Variants in MIB1 observed in about 807,000 individuals in gnomAD.
MIB1 encodes MIB E3 ubiquitin protein ligase 1, also known as E3 ubiquitin-protein ligase MIB1.
MIB1 carries 278 observed loss-of-function variants against 124.5 expected under a neutral mutation model. The ratio of observed to expected loss-of-function variants is 2.23; its 90% CI spans 2.02 to 2.47. The LOEUF (loss-of-function observed/expected upper bound fraction) is 2.47. MIB1 is among the 30% of genes most tolerant of loss of function. MIB1 has a pLI of 0.00. For missense variants in MIB1, 957 were observed against 1,254.4 expected, an observed-to-expected ratio of 0.76 and a Z score of 3.58; for synonymous variants, 446 against 429.4, an observed-to-expected ratio of 1.04 and a Z score of -0.48.
At chr18:21,782,019 CT>C (rs1820425967) in intron 6 of MIB1, among the ~76,000 whole-genome samples, 1 of 152,014 alleles carries the variant, frequency 6.6e-6, no homozygotes, top group Non-Finnish European at 1.5e-5. Flanking sequence ...TTCTGCTGAT[CT>C]TTATTACTTC....
At chr18:21,708,386 G>T (rs949966864) in intron 1 of MIB1, among the ~76,000 whole-genome samples, 28 of 152,186 alleles carry the variant, frequency 1.8e-4, no homozygotes, top group African/African-American at 6.8e-4. Context: ...GGGCATAGTG[G>T]CTCACGCCTG....
chr18:21,791,489 TG>T lies in MIB1; in HGVS notation c.1025del (p.Cys342PhefsTer25). On this transcript the variant is annotated frameshift_variant, in exon 7 of 21. Coordinates refer to ENST00000261537, the MANE Select transcript of MIB1 (RefSeq NM_020774.4). LOFTEE classifies it high-confidence loss of function. ...TCAAGTGGGTGATCTTGTACAAGTT[TG>T]TTATGACCTGGAACGAATTAAACTT... ...QFQVGDLVQV[C>X]YDLERIKLLQ... 6.2e-7 allele frequency: 1 copy of T among 1,614,086 alleles called. No individual in the cohort carries two copies. The highest frequency in any genetic ancestry group is 8.5e-7 in the Non-Finnish European group (1 of 1,179,954).
intron 6 of MIB1, among the ~76,000 whole-genome samples, chr18:21,781,307 G>A (rs957276463): frequency 7.2e-6 from 1 of 139,054 alleles, no homozygotes; most frequent in Non-Finnish European, 1.5e-5. Context: ...GCTTTTCTCT[G>A]ATGGGAGATA....
At chr18:21,755,769 T>C (rs2041025122) in intron 1 of MIB1, among the ~76,000 whole-genome samples, 1 of 152,222 alleles carries the variant, frequency 6.6e-6, no homozygotes, top group Non-Finnish European at 1.5e-5. Flanking sequence ...TATATATTTA[T>C]TACTTTTTTA....
intron 20 of MIB1, among the ~76,000 whole-genome samples, chr18:21,862,323 T>C (rs905717746): frequency 2.6e-5 from 4 of 152,238 alleles, no homozygotes; most frequent in Non-Finnish European, 5.9e-5. Context: ...CCTTTTACAA[T>C]GATCTCTGGT....
chr18:21,705,046 C>T (rs1039273479), exon 1 of MIB1: 1 of 168,684 alleles, frequency 5.9e-6, no homozygotes, highest in Non-Finnish European at 1.3e-5. Flanking sequence ...GGTTAAGGCC[C>T]CGCACCTGCA....
At chr18:21,805,391 A>G (rs768246966) in intron 10 of MIB1, among the ~76,000 whole-genome samples, 4 of 152,138 alleles carry the variant, frequency 2.6e-5, no homozygotes, top group African/African-American at 4.8e-5. Flanking sequence ...TATGAATGAG[A>G]TTATATAATT....
Position 21,741,469 on chromosome 18 carries a change from GCT to G in MIB1, c.-114_-113del. ...GTTATTCTCACGTCCCCCGGGGCTC[GCT>G]GCCGCCCCCGCCGACGCCTAGAGTC... On this transcript the variant is annotated 5_prime_UTR_variant, in exon 1 of 21. Coordinates refer to ENST00000261537, the MANE Select transcript of MIB1 (RefSeq NM_020774.4). This position sits in a 1 kb window ranked among gnomAD's most constrained non-coding sequence, Gnocchi z 5.4. The G allele has an allele frequency of 3.5e-6, 2 of 572,030 alleles. No homozygotes were observed. Among genetic ancestry groups the G allele is most frequent in the Non-Finnish European group, 5.0e-6 (2 of 403,286 alleles). 35.4% of individuals were successfully genotyped at this position (572,030 alleles called of 1,614,324 possible).
At chr18:21,806,779 A>G (rs896525272) in intron 10 of MIB1, among the ~76,000 whole-genome samples, 7 of 151,886 alleles carry the variant, frequency 4.6e-5, no homozygotes, top group African/African-American at 1.7e-4. Context: ...GCACGCCGCC[A>G]CACCTGTCTA....
chr18:21,805,105 T>A (rs985745101), intron 10 of MIB1, among the ~76,000 whole-genome samples: 1 of 152,082 alleles, frequency 6.6e-6, no homozygotes, highest in African/African-American at 2.4e-5. Context: ...CTCTGCCTCC[T>A]GGGATCAAGT....
chr18:21,788,356 A>G (rs1194522366), intron 6 of MIB1, among the ~76,000 whole-genome samples: 1 of 152,230 alleles, frequency 6.6e-6, no homozygotes, highest in Non-Finnish European at 1.5e-5. Context: ...TTGTATTCAA[A>G]TCTTACGAGC....
chr18:21,804,063 T>TA, intron 10 of MIB1, 49 bp downstream of exon 10: 2 of 1,277,748 alleles, frequency 1.6e-6, no homozygotes, highest in Non-Finnish European at 2.3e-6. Context: ...TTCCTAGAAA[T>TA]AATACTTCTA....
At chr18:21,847,403 C>T (rs932783081) in intron 16 of MIB1, among the ~76,000 whole-genome samples, 5 of 152,088 alleles carry the variant, frequency 3.3e-5, no homozygotes, top group African/African-American at 1.2e-4. Context: ...TTCTAGTACT[C>T]CCATGTGTTA....
intron 15 of MIB1, among the ~76,000 whole-genome samples, chr18:21,845,844 C>G (rs1004565215): frequency 1.3e-5 from 2 of 151,822 alleles, no homozygotes; most frequent in South Asian, 2.1e-4. Context: ...AGACTGGTCC[C>G]GAACTCCTGA....
chr18:21,816,711 G>A (rs2041832659), intron 11 of MIB1, among the ~76,000 whole-genome samples: 1 of 152,182 alleles, frequency 6.6e-6, no homozygotes, highest in Non-Finnish European at 1.5e-5. Context: ...AGATCTCAGA[G>A]AAGAAATAAA....
At chr18:21,815,011 T>TTATATACATATATATATATA (rs1402179214) in intron 10 of MIB1, among the ~76,000 whole-genome samples, 2 of 52,644 alleles carry the variant, frequency 3.8e-5, no homozygotes, top group African/African-American at 1.2e-4. Flanking sequence ...GCTGTTGGTT[T>TTATATACATATATATATATA]TATATATATA....
chr18:21,802,776 C>G (rs548037699), intron 9 of MIB1, among the ~76,000 whole-genome samples: 3 of 152,320 alleles, frequency 2.0e-5, no homozygotes, highest in African/African-American at 7.2e-5. Flanking sequence ...TGATTGATAG[C>G]TCTCCTCACT....
intron 1 of MIB1, among the ~76,000 whole-genome samples, chr18:21,764,634 A>G (rs1319116488): frequency 6.6e-6 from 1 of 152,200 alleles, no homozygotes; most frequent in Non-Finnish European, 1.5e-5. Flanking sequence ...TAATGTAATG[A>G]ACTCCCATGT....
chr18:21,783,335 C>T (rs893936105), intron 6 of MIB1, among the ~76,000 whole-genome samples: 8 of 151,832 alleles, frequency 5.3e-5, no homozygotes, highest in Non-Finnish European at 7.4e-5. Flanking sequence ...CTCCGCCTCC[C>T]GGGTTCAAGC....
Sources: gnomAD v4.1 joint callset for allele counts (sites outside exome capture counted in the v4.1 genomes callset) on GRCh38, gnomAD v4.1.1 for gene constraint, Gnocchi (gnomAD v3.1) non-coding constraint, MANE v1.5 for transcripts, NCBI Gene and HGNC (gene_info 2026-07-23, HGNC 2026-07-21) for gene names.